UPP2: variants seen among roughly 807,000 people sequenced by gnomAD.
The protein encoded by UPP2 is UPase 2.
Under a neutral mutation model 26.7 loss-of-function variants are expected in UPP2, and 23 were observed. The observed-to-expected ratio is 0.86, with a 90% confidence interval of 0.62 to 1.22. The LOEUF (loss-of-function observed/expected upper bound fraction) is 1.22, where lower values mean the gene tolerates loss of function less well. Among genes scored for constraint, UPP2 ranks in the 50% most tolerant of loss-of-function variants. UPP2 has a pLI of 0.00. For synonymous variants in UPP2, 127 were observed against 141.3 expected (o/e 0.90, Z 0.72); for missense variants, 387 against 396.7 (o/e 0.98, Z 0.21).
intron 3 of UPP2, chr2:158,065,512 T>C: frequency 2.6e-6 from 1 of 383,966 alleles, no homozygotes; most frequent in Non-Finnish European, 5.1e-6. Flanking sequence ...AATTCTTTCA[T>C]AACCCTATTG....
At chr2:158,097,811 AG>A (rs1215030398), upstream of UPP2, among the ~76,000 whole-genome samples, 1 of 152,318 alleles carries the variant, frequency 6.6e-6, no homozygotes, top group East Asian at 1.9e-4. Flanking sequence ...CAAACACCGT[AG>A]GGTTGTAGCA....
chr2:158,112,578 C>T (rs186608891), intron 2 of UPP2, among the ~76,000 whole-genome samples: 83 of 151,202 alleles, frequency 5.5e-4, no homozygotes, highest in African/African-American at 2.0e-3. Flanking sequence ...AAAACACAAG[C>T]AATAAAATAA....
chr2:158,065,594 T>A, intron 3 of UPP2: 1 of 562,334 alleles, frequency 1.8e-6, no homozygotes, highest in Non-Finnish European at 3.5e-6. Context: ...TACAAGAACA[T>A]GAGGATTTCT....
intron 3 of UPP2, among the ~76,000 whole-genome samples, chr2:158,087,022 T>C (rs190223948): frequency 9.9e-5 from 15 of 152,204 alleles, no homozygotes; most frequent in African/African-American, 1.2e-4. Flanking sequence ...TTCTAAATTA[T>C]AGTTTAAATC....
chr2:158,092,600 AAGG>A (rs1443601851), intron 3 of UPP2, among the ~76,000 whole-genome samples: 1 of 152,230 alleles, frequency 6.6e-6, no homozygotes, highest in Non-Finnish European at 1.5e-5. Context: ...ACCCAGAAGG[AAGG>A]AGATCTGAGA....
At chr2:158,094,060 C>A (rs537386316) in intron 3 of UPP2, among the ~76,000 whole-genome samples, 1 of 151,266 alleles carries the variant, frequency 6.6e-6, no homozygotes, top group South Asian at 2.1e-4. Flanking sequence ...CATACACACA[C>A]GCACACACCT....
chr2:158,083,525 G>A (rs1228870795), intron 3 of UPP2, among the ~76,000 whole-genome samples: 2 of 151,954 alleles, frequency 1.3e-5, no homozygotes, highest in Non-Finnish European at 2.9e-5. Flanking sequence ...TGGACACAGG[G>A]AGGGGAACAT....
rs371612877 is a variant in UPP2, at chr2:158,122,491, G to A, written c.664+873G>A. On this transcript the variant is annotated intron_variant, in intron 5 of 6. Transcript: ENST00000005756. ...GGCTGTTGGGGTCCAATAGGGTTGG[G>A]ACCCTCTGTTCAAGGCCACTGACTC... is the stretch of plus-strand genomic sequence containing the variant. Among the ~76,000 whole-genome samples, 140 of 152,114 alleles carry A rather than the reference G, an allele frequency of 9.2e-4. 4 individuals are homozygous for A. In the South Asian group the frequency reaches 0.024, roughly 26 times the overall value.
At chr2:158,067,539 G>A (rs1305321305) in intron 3 of UPP2, among the ~76,000 whole-genome samples, 5 of 152,080 alleles carry the variant, frequency 3.3e-5, no homozygotes, top group African/African-American at 4.8e-5. Flanking sequence ...GGAATCCTAC[G>A]TGCATCAGGG....
chr2:158,016,541 ATG>A (rs1266620116), intron 3 of UPP2, among the ~76,000 whole-genome samples: 2 of 151,958 alleles, frequency 1.3e-5, no homozygotes, highest in African/African-American at 4.8e-5. Context: ...GGGCTTCACC[ATG>A]TTGACCAGGC....
chr2:158,017,880 T>G (rs1398023831), intron 3 of UPP2, among the ~76,000 whole-genome samples: 1 of 152,278 alleles, frequency 6.6e-6, no homozygotes, highest in Non-Finnish European at 1.5e-5. Flanking sequence ...CTATTATTCT[T>G]TGTTTCTTCT....
intron 3 of UPP2, among the ~76,000 whole-genome samples, chr2:158,026,435 T>A (rs1264148811): frequency 6.6e-6 from 1 of 152,128 alleles, no homozygotes; most frequent in Non-Finnish European, 1.5e-5. Context: ...CAAAATTGGA[T>A]GACAGCATAT....
At chr2:158,127,469 A>G (rs979440147) in intron 6 of UPP2, among the ~76,000 whole-genome samples, 2 of 152,154 alleles carry the variant, frequency 1.3e-5, no homozygotes, top group Non-Finnish European at 1.5e-5. Context: ...AATGAAAAAA[A>G]AAAGGGCCAC....
At chr2:158,103,282 G>A (rs1050744219) in intron 1 of UPP2, among the ~76,000 whole-genome samples, 6 of 151,998 alleles carry the variant, frequency 3.9e-5, no homozygotes, top group Admixed American at 2.6e-4. Flanking sequence ...GTTGGGACAG[G>A]GCATCAAGGA....
At chr2:158,055,509 A>G (rs1682233001) in intron 3 of UPP2, among the ~76,000 whole-genome samples, 1 of 152,162 alleles carries the variant, frequency 6.6e-6, no homozygotes, top group Non-Finnish European at 1.5e-5. Flanking sequence ...TTCACTTCGC[A>G]TAATGTCCTC....
At position 158,102,113 on chromosome 2, in the gene UPP2, A is replaced by G. The variant is rs1354996020; in HGVS notation, c.50A>G (p.Asn17Ser). Residue 17 changes from asparagine to serine, a missense_variant, in exon 1 of 7, where the codon AAT (asparagine) becomes AGT (serine). By Grantham distance (46) the Asn-to-Ser change is conservative. Coordinates refer to ENST00000005756, the MANE Select transcript of UPP2 (RefSeq NM_173355.4). ...ASNRSMRSDR[N>S]TYVGKRFVHV... ...AATAGGTCCATGAGATCTGACAGGA[A>G]TACATATGTTGGGTGAGTAATTTTG... The G allele has an allele frequency of 1.1e-5, 18 of 1,613,176 alleles. No individual in the cohort carries two copies. Among genetic ancestry groups the G allele is most frequent in the Non-Finnish European group, 1.5e-5 (18 of 1,179,638 alleles).
chr2:158,132,298 G>A (rs1323088671), intron 6 of UPP2, among the ~76,000 whole-genome samples: 3 of 152,322 alleles, frequency 2.0e-5, no homozygotes, highest in Middle Eastern at 3.4e-3. Flanking sequence ...CAGTATAACC[G>A]ATAGGGCAGG....
chr2:158,068,287 G>A (rs1015584615), intron 3 of UPP2, among the ~76,000 whole-genome samples: 1 of 152,166 alleles, frequency 6.6e-6, no homozygotes, highest in Non-Finnish European at 1.5e-5. Context: ...TGTTTTAGGA[G>A]ATTTTGAATG....
intron 3 of UPP2, among the ~76,000 whole-genome samples, chr2:158,048,050 T>C (rs1682065354): frequency 6.6e-6 from 1 of 152,332 alleles, no homozygotes; most frequent in South Asian, 2.1e-4. Context: ...CATAGCCAGA[T>C]GTTCAACCAG....
Sources: allele counts gnomAD v4.1 joint callset (sites outside exome capture counted in the v4.1 genomes callset), GRCh38; gene constraint gnomAD v4.1.1; transcripts MANE v1.5; gene names NCBI Gene and HGNC (gene_info 2026-07-23, HGNC 2026-07-21).